Variants in KCNIP4 observed in about 807,000 individuals in gnomAD.
KCNIP4 encodes the protein potassium voltage-gated channel interacting protein 4, also known as Kv channel-interacting protein 4.
KCNIP4 carries 12 observed loss-of-function variants against 34.0 expected under a neutral mutation model. The observed-to-expected ratio is 0.35, with a 90% CI of 0.23 to 0.57. KCNIP4 has a LOEUF of 0.57. Ranked by LOEUF, KCNIP4 falls within the 20% of genes least tolerant of loss-of-function variation. The pLI is 0.83. For missense variants in KCNIP4, 238 were observed against 311.7 expected, an observed-to-expected ratio of 0.76 and a Z score of 1.78; for synonymous variants, 124 against 102.2, an observed-to-expected ratio of 1.21 and a Z score of -1.29.
At chr4:21,142,635 T>C (rs1410838516) in intron 1 of KCNIP4, among the ~76,000 whole-genome samples, 1 of 152,164 alleles carries the variant, frequency 6.6e-6, no homozygotes, top group African/African-American at 2.4e-5. Flanking sequence ...AGAGTTGCTA[T>C]CTTCCTATGT....
At chr4:21,577,633 AAAACAAAC>A (rs36186672) in intron 1 of KCNIP4, among the ~76,000 whole-genome samples, 12 of 150,928 alleles carry the variant, frequency 8.0e-5, no homozygotes, top group South Asian at 2.1e-4. Context: ...CTCCATCTTA[AAAACAAAC>A]AAACAAACAA....
chr4:21,878,110 C>T (rs976530272), intron 1 of KCNIP4, among the ~76,000 whole-genome samples: 3 of 152,150 alleles, frequency 2.0e-5, no homozygotes, highest in African/African-American at 7.2e-5. Context: ...TGCAGTGGCA[C>T]AGTCTCAGCT....
chr4:21,126,762 G>A (rs1335113396), intron 1 of KCNIP4, among the ~76,000 whole-genome samples: 1 of 152,078 alleles, frequency 6.6e-6, no homozygotes, highest in Non-Finnish European at 1.5e-5. Flanking sequence ...GAAATCAAAT[G>A]GTTTCTTTGT....
intron 1 of KCNIP4, among the ~76,000 whole-genome samples, chr4:21,403,507 G>T (rs1404309568): frequency 6.6e-6 from 1 of 152,074 alleles, no homozygotes; most frequent in Non-Finnish European, 1.5e-5. Flanking sequence ...TCTTCCATTT[G>T]ACACTGAGTA....
At position 21,372,158 on chromosome 4, in the gene KCNIP4, A is replaced by G. The variant is rs529531145; in HGVS notation, c.62-489449T>C. ...AGAATTCAGAAAAAAAGAACACAGC[A>G]TCGTACTTCAGGAGTCTTTACATTT... On this transcript the variant is annotated intron_variant, in intron 1 of 8. Coordinates refer to ENST00000382152, the MANE Select transcript of KCNIP4 (RefSeq NM_025221.6). 3.1e-4 allele frequency among the ~76,000 whole-genome samples: 45 copies of G among 147,436 alleles called. 1 individual carries two copies. The highest frequency in any genetic ancestry group is 5.3e-4 in the Non-Finnish European group (36 of 68,008).
chr4:21,005,033 G>C (rs536715925), intron 1 of KCNIP4, among the ~76,000 whole-genome samples: 1 of 152,256 alleles, frequency 6.6e-6, no homozygotes, highest in Non-Finnish European at 1.5e-5. Context: ...CTTTGGCTTA[G>C]AAAAACTGAG....
chr4:21,694,943 AAT>A (rs1491385466), intron 1 of KCNIP4, among the ~76,000 whole-genome samples: 1,254 of 45,388 alleles, frequency 0.028, 82 homozygotes, highest in African/African-American at 0.066. Flanking sequence ...AAAATAAATA[AAT>A]AAATAAAGGG....
At chr4:21,910,807 T>C (rs2108981694) in intron 1 of KCNIP4, among the ~76,000 whole-genome samples, 2 of 152,320 alleles carry the variant, frequency 1.3e-5, no homozygotes, top group South Asian at 4.1e-4. Context: ...ACACGAACTA[T>C]TATTAAATGT....
intron 1 of KCNIP4, among the ~76,000 whole-genome samples, chr4:20,923,953 A>C (rs1729658616): frequency 6.6e-6 from 1 of 152,094 alleles, no homozygotes; most frequent in Non-Finnish European, 1.5e-5. Flanking sequence ...CATGTCATAT[A>C]CCCAAGATCA....
intron 1 of KCNIP4, among the ~76,000 whole-genome samples, chr4:21,345,057 G>A (rs1355574034): frequency 1.3e-5 from 2 of 152,146 alleles, no homozygotes; most frequent in Admixed American, 1.3e-4. Context: ...TGGACTTAGT[G>A]ACTTGCTTCT....
chr4:21,444,892 C>A (rs557685136), intron 1 of KCNIP4, among the ~76,000 whole-genome samples: 2 of 152,256 alleles, frequency 1.3e-5, no homozygotes, highest in East Asian at 1.9e-4. Flanking sequence ...ATCTCAGCCC[C>A]AAATCTCCTT....
chr4:20,992,631 T>C (rs1175234805), intron 1 of KCNIP4, among the ~76,000 whole-genome samples: 1 of 152,170 alleles, frequency 6.6e-6, no homozygotes, highest in Admixed American at 6.5e-5. Context: ...CGGATCATTT[T>C]CCTTATCTAT....
chr4:21,135,156 A>T (rs1226124430), intron 1 of KCNIP4, among the ~76,000 whole-genome samples: 2 of 152,230 alleles, frequency 1.3e-5, no homozygotes, highest in Non-Finnish European at 2.9e-5. Context: ...GGTCAGGTTC[A>T]CCAGACTGCC....
At chr4:21,002,946 C>T (rs2149720885) in intron 1 of KCNIP4, among the ~76,000 whole-genome samples, 1 of 152,248 alleles carries the variant, frequency 6.6e-6, no homozygotes, top group South Asian at 2.1e-4. Flanking sequence ...TCATGGTTAC[C>T]TGACACTGGT....
At chr4:21,258,743 T>C (rs1244235820) in intron 1 of KCNIP4, among the ~76,000 whole-genome samples, 1 of 152,110 alleles carries the variant, frequency 6.6e-6, no homozygotes, top group Non-Finnish European at 1.5e-5. Flanking sequence ...TCTCTTTATT[T>C]TAAAACTTAA....
intron 1 of KCNIP4, among the ~76,000 whole-genome samples, chr4:21,370,018 G>C (rs1407438379): frequency 6.8e-6 from 1 of 146,478 alleles, no homozygotes; most frequent in African/African-American, 2.8e-5. Context: ...TATTAGAGAC[G>C]GGGTTTCACC....
At chr4:21,440,781 G>C (rs1331853416) in intron 1 of KCNIP4, among the ~76,000 whole-genome samples, 1 of 152,144 alleles carries the variant, frequency 6.6e-6, no homozygotes, top group Non-Finnish European at 1.5e-5. Context: ...CAAATGAAAT[G>C]ATTGGGCTTG....
intron 1 of KCNIP4, among the ~76,000 whole-genome samples, chr4:21,070,230 T>C (rs563423418): frequency 6.6e-6 from 1 of 152,312 alleles, no homozygotes; most frequent in East Asian, 1.9e-4. Flanking sequence ...TTTGTTTAAC[T>C]GCTCACCCAC....
intron 1 of KCNIP4, among the ~76,000 whole-genome samples, chr4:21,546,236 C>G (rs531416169): frequency 1.2e-3 from 180 of 152,168 alleles, no homozygotes; most frequent in African/African-American, 4.1e-3. Flanking sequence ...AGGTTCTACC[C>G]ACAATTATTT....
Sources: allele counts gnomAD v4.1 joint callset (sites outside exome capture counted in the v4.1 genomes callset), GRCh38; gene constraint gnomAD v4.1.1; transcripts MANE v1.5; gene names NCBI Gene and HGNC (gene_info 2026-07-23, HGNC 2026-07-21).